IRAG2: variants seen among roughly 807,000 people sequenced by gnomAD.
The protein encoded by IRAG2 is inositol 1,4,5-triphosphate receptor associated 2, also known as lymphoid restricted membrane protein.
In IRAG2, 45 loss-of-function variants were observed where a neutral mutation model predicts 69.9. The ratio of observed to expected loss-of-function variants is 0.64; its 90% CI spans 0.51 to 0.83. IRAG2 has a LOEUF of 0.83. Ranked by LOEUF, IRAG2 falls within the 40% of genes least tolerant of loss-of-function variation. The pLI, the probability that IRAG2 is intolerant of heterozygous loss-of-function variation, is 0.00. For synonymous variants in IRAG2, 193 were observed against 202.4 expected (o/e 0.95, Z 0.40); for missense variants, 520 against 587.0 (o/e 0.89, Z 1.18).
rs144038262 is a variant in IRAG2, at chr12:25,018,914, C to T, written c.1214+1622C>T. ...AGACTGTCTGTTTCCTTTGGGTTCC[C>T]GCAACCTAGTTTTGATATTGTCCAA... On this transcript the variant is annotated intron_variant, in intron 6 of 38. Transcript: ENST00000636465. Among the ~76,000 whole-genome samples the T allele has an allele frequency of 6.4e-4, 97 of 152,304 alleles. 2 individuals are homozygous for T. In the East Asian group the frequency reaches 0.016, roughly 25 times the overall value.
chr12:25,080,777 C>T (rs1011810545), intron 9 of IRAG2, among the ~76,000 whole-genome samples: 1 of 152,150 alleles, frequency 6.6e-6, no homozygotes, highest in Non-Finnish European at 1.5e-5. Context: ...TGTCTTTATA[C>T]TCCACCTTAT....
chr12:25,094,902 A>G (rs564484212), intron 14 of IRAG2, among the ~76,000 whole-genome samples: 1 of 152,168 alleles, frequency 6.6e-6, no homozygotes, highest in African/African-American at 2.4e-5. Flanking sequence ...AAGACAACTA[A>G]TTTTTTGTGT....
chr12:25,097,847 A>C (rs1453852683), intron 15 of IRAG2, among the ~76,000 whole-genome samples: 1 of 152,230 alleles, frequency 6.6e-6, no homozygotes, highest in Non-Finnish European at 1.5e-5. Context: ...CCAGAGAAAC[A>C]ACTTTCAACT....
Position 25,066,517 on chromosome 12 carries a change from G to T in IRAG2, c.-59+5G>T, listed in dbSNP as rs554513194. Reference sequence around the variant, plus strand: ...GGATGTAAAAAGACAACACAAGTAGGTTAAGAGCAAAATTTACTTACTCTA... The same window carrying T: ...GGATGTAAAAAGACAACACAAGTAGTTTAAGAGCAAAATTTACTTACTCTA... On this transcript the variant is annotated splice_donor_5th_base_variant and intron_variant, in intron 5 of 21. Transcript: ENST00000556887. The T allele has an allele frequency of 1.2e-5, 5 of 401,200 alleles. No homozygotes were observed. The highest frequency in any genetic ancestry group is 6.2e-5 in the African/African-American group (3 of 48,776). 24.9% of individuals were successfully genotyped at this position (401,200 alleles called of 1,614,324 possible). A position where few individuals can be genotyped will look rare whatever the true frequency, so the allele number is the denominator to read the frequency against.
chr12:25,088,265 C>A, intron 11 of IRAG2, 108 bp downstream of exon 11: 1 of 871,700 alleles, frequency 1.1e-6, no homozygotes, highest in Non-Finnish European at 1.9e-6. Flanking sequence ...TTCTGCATCT[C>A]TGGATAAGGT....
At chr12:25,013,202 G>A (rs897028611) in intron 3 of IRAG2, among the ~76,000 whole-genome samples, 3 of 152,216 alleles carry the variant, frequency 2.0e-5, no homozygotes, top group Non-Finnish European at 4.4e-5. Context: ...CTTGGCCGGG[G>A]GTGGTGGCTC....
At chr12:25,073,456 T>G (rs1008565491) in intron 6 of IRAG2, among the ~76,000 whole-genome samples, 2 of 152,250 alleles carry the variant, frequency 1.3e-5, no homozygotes, top group Non-Finnish European at 2.9e-5. Flanking sequence ...CTGACTCATT[T>G]CTTGGGCTGG....
chr12:25,078,946 A>G (rs750754376), intron 6 of IRAG2, among the ~76,000 whole-genome samples: 1 of 152,256 alleles, frequency 6.6e-6, no homozygotes. Context: ...ACTTAAGCGT[A>G]TGAAATAAAC....
At chr12:25,020,295 A>C (rs1944567584) in intron 6 of IRAG2, among the ~76,000 whole-genome samples, 1 of 152,216 alleles carries the variant, frequency 6.6e-6, no homozygotes, top group South Asian at 2.1e-4. Context: ...TCTTTATAGA[A>C]TATGTCATAT....
At chr12:25,018,781 C>A (rs1944553011) in intron 6 of IRAG2, among the ~76,000 whole-genome samples, 1 of 152,224 alleles carries the variant, frequency 6.6e-6, no homozygotes, top group Non-Finnish European at 1.5e-5. Flanking sequence ...AAGTAACTCA[C>A]ATAATGGACA....
At chr12:25,014,245 A>G (rs1042494133) in intron 3 of IRAG2, among the ~76,000 whole-genome samples, 3 of 152,078 alleles carry the variant, frequency 2.0e-5, no homozygotes, top group Non-Finnish European at 2.9e-5. Context: ...ATTAATAATT[A>G]TAAAACAGCA....
In IRAG2 at chr12:25,015,112, A is replaced by G. The variant is rs867223211; in HGVS notation, c.897-70A>G. 856 of 361,028 alleles carry G rather than the reference A, an allele frequency of 2.4e-3. 6 individuals are homozygous for G. The highest frequency in any genetic ancestry group is 6.2e-3 in the Middle Eastern group (5 of 808). The allele number at this position is 361,028 out of a possible 1,614,324, so 22.4% of individuals were successfully genotyped here. A position where few individuals can be genotyped will look rare whatever the true frequency, so the allele number is the denominator to read the frequency against. ...TGAAAAAAAAAAAAAAAAAAAAAAAAGACAAAACTTGGTCAGGCAAAGAAT... is the reference window on the plus strand; with the variant it reads ...TGAAAAAAAAAAAAAAAAAAAAAAAGGACAAAACTTGGTCAGGCAAAGAAT... On this transcript the variant is annotated intron_variant, in intron 3 of 38. Coordinates refer to the IRAG2 transcript ENST00000636465.
At chr12:25,034,862 C>T (rs1944692302) in intron 13 of IRAG2, among the ~76,000 whole-genome samples, 1 of 152,244 alleles carries the variant, frequency 6.6e-6, no homozygotes, top group South Asian at 2.1e-4. Flanking sequence ...CCTGGACATT[C>T]TGCTGAGGGC....
At chr12:25,040,168 C>T (rs1215824225) in intron 16 of IRAG2, among the ~76,000 whole-genome samples, 1 of 152,166 alleles carries the variant, frequency 6.6e-6, no homozygotes, top group East Asian at 1.9e-4. Context: ...CTGACAAAGC[C>T]ACATAAAGGC....
intron 9 of IRAG2, among the ~76,000 whole-genome samples, chr12:25,081,963 T>C (rs1398596372): frequency 6.6e-6 from 1 of 152,130 alleles, no homozygotes; most frequent in Non-Finnish European, 1.5e-5. Flanking sequence ...GTTACAATCA[T>C]AGCTCACTGC....
intron 16 of IRAG2, among the ~76,000 whole-genome samples, chr12:25,040,515 AAGAG>A (rs942643713): frequency 2.8e-4 from 42 of 151,656 alleles, no homozygotes; most frequent in African/African-American, 5.3e-4. Context: ...CTTAAAAAAA[AAGAG>A]AGAGAGAGAG....
At chr12:25,068,580 T>C (rs957340127) in intron 5 of IRAG2, among the ~76,000 whole-genome samples, 2 of 151,090 alleles carry the variant, frequency 1.3e-5, no homozygotes, top group South Asian at 4.2e-4. Context: ...CACAGATTGG[T>C]TCCCCTGGCA....
chr12:25,057,125 A>G (rs892845651), intron 1 of IRAG2, among the ~76,000 whole-genome samples: 1 of 152,180 alleles, frequency 6.6e-6, no homozygotes, highest in East Asian at 1.9e-4. Context: ...TGAGGCATTT[A>G]AAGTTGCATG....
At chr12:25,057,664 G>T (rs1945352591) in intron 1 of IRAG2, among the ~76,000 whole-genome samples, 1 of 152,006 alleles carries the variant, frequency 6.6e-6, no homozygotes, top group Admixed American at 6.6e-5. Flanking sequence ...TATTTAACAT[G>T]TCATAAAATG....
Sources: gnomAD v4.1 joint callset for allele counts (sites outside exome capture counted in the v4.1 genomes callset) on GRCh38, gnomAD v4.1.1 for gene constraint, MANE v1.5 for transcripts, NCBI Gene and HGNC (gene_info 2026-07-23, HGNC 2026-07-21) for gene names.